The following PCDHGA5 variants were observed in gnomAD, a reference collection of about 807,000 sequenced individuals.
PCDHGA5 encodes protocadherin gamma subfamily A, 5, also known as protocadherin gamma-A5.
PCDHGA5 carries 36 observed loss-of-function variants against 56.7 expected under a neutral mutation model. The ratio of observed to expected loss-of-function variants is 0.64; its 90% CI spans 0.49 to 0.84. The LOEUF is 0.84. Among genes scored for constraint, PCDHGA5 ranks in the 40% least tolerant of loss-of-function variants. The pLI, the probability that PCDHGA5 is intolerant of heterozygous loss-of-function variation, is 0.00. For missense variants in PCDHGA5, 1,305 were observed against 1,201.5 expected, an observed-to-expected ratio of 1.09 and a Z score of -1.27; for synonymous variants, 563 against 520.2, an observed-to-expected ratio of 1.08 and a Z score of -1.12.
intron 1 of PCDHGA5, chr5:141,430,753 G>C (rs1175014357): frequency 6.6e-7 from 1 of 1,504,258 alleles, no homozygotes. Context: ...TCTGGAGGAA[G>C]ATAAGAATGA....
At chr5:141,418,974 G>A in intron 1 of PCDHGA5, 2 of 1,613,936 alleles carry the variant, frequency 1.2e-6, no homozygotes, top group Non-Finnish European at 1.7e-6. Context: ...TTCAAAACAC[G>A]GGACCAAGAC....
intron 1 of PCDHGA5, among the ~76,000 whole-genome samples, chr5:141,442,612 A>C (rs1180568407): frequency 6.6e-6 from 1 of 152,212 alleles, no homozygotes; most frequent in Non-Finnish European, 1.5e-5. Flanking sequence ...ATCTCAGTAA[A>C]AAGCATTTCT....
At chr5:141,408,455 C>A in intron 1 of PCDHGA5, 1 of 1,614,050 alleles carries the variant, frequency 6.2e-7, no homozygotes, top group South Asian at 1.1e-5. Flanking sequence ...CGGGGACTTA[C>A]TTGTGAAGAA....
At chr5:141,421,271 T>G in intron 1 of PCDHGA5, 1 of 1,612,330 alleles carries the variant, frequency 6.2e-7, no homozygotes, top group Non-Finnish European at 8.5e-7. Context: ...CGGCTGCTGC[T>G]GCTGCTGTGC....
intron 1 of PCDHGA5, chr5:141,399,892 G>T: frequency 1.2e-6 from 2 of 1,612,554 alleles, no homozygotes; most frequent in Non-Finnish European, 1.7e-6. Flanking sequence ...CAAGGTAGTG[G>T]CCGTGGACGC....
At chr5:141,409,063 C>A (rs988950366) in intron 1 of PCDHGA5, 2 of 1,613,860 alleles carry the variant, frequency 1.2e-6, no homozygotes, top group African/African-American at 2.7e-5. Flanking sequence ...CTGCCCAGAG[C>A]ACAAAACATA....
At chr5:141,483,640 G>T (rs1406049976) in intron 1 of PCDHGA5, among the ~76,000 whole-genome samples, 3 of 144,232 alleles carry the variant, frequency 2.1e-5, no homozygotes, top group Non-Finnish European at 4.5e-5. Flanking sequence ...GTATAGAGGG[G>T]TGTGTGTTTG....
At chr5:141,424,901 C>G (rs2096846997) in intron 1 of PCDHGA5, among the ~76,000 whole-genome samples, 1 of 152,134 alleles carries the variant, frequency 6.6e-6, no homozygotes, top group African/African-American at 2.4e-5. Context: ...TTTTTGATCA[C>G]AGGAATCATT....
Position 141,365,232 on chromosome 5 carries a change from T to C in PCDHGA5, c.902T>C (p.Ile301Thr), listed in dbSNP as rs762059066. 20 of 1,613,878 alleles carry C rather than the reference T, an allele frequency of 1.2e-5. No individual in the cohort carries two copies. The South Asian group carries it at 2.2e-4, about 18-fold the overall frequency. The change falls in exon 1 of 4, where the codon ATC becomes ACC. Residue 301 changes from isoleucine (I) to threonine (T), a missense_variant. Ile to Thr is a moderately conservative substitution (Grantham distance 89). Transcript: ENST00000518069. ...CAACTTGATTCCAACCTGGGGGAAA[T>C]CTCAACTCTACAATCACTGGACTAT... ...TFQLDSNLGE[I>T]STLQSLDYEE...
Position 141,485,200 on chromosome 5 carries a change from A to C in PCDHGA5, c.2422-9607A>C. 1 of 1,614,116 alleles carries C rather than the reference A, an allele frequency of 6.2e-7. No homozygotes were observed. The highest frequency in any genetic ancestry group is 2.2e-5 in the East Asian group (1 of 44,872). ...TGCTCCGCAAGGTGAGAAGCTGGAC[A>C]GAAATCTGGCGGTGGGCTACCCTTT... On this transcript the variant is annotated intron_variant, in intron 1 of 3. Coordinates refer to ENST00000518069, the MANE Select transcript of PCDHGA5 (RefSeq NM_018918.3). This position sits in a 1 kb window ranked among gnomAD's most constrained non-coding sequence, Gnocchi z 5.7.
At chr5:141,408,104 C>A (rs546603908) in intron 1 of PCDHGA5, 5 of 1,441,798 alleles carry the variant, frequency 3.5e-6, no homozygotes, top group Non-Finnish European at 2.7e-6. Flanking sequence ...CTCCGAGACC[C>A]GGGACTCCTC....
chr5:141,408,439 G>A (rs1057408625), intron 1 of PCDHGA5: 4 of 1,613,950 alleles, frequency 2.5e-6, no homozygotes, highest in Non-Finnish European at 3.4e-6. Flanking sequence ...GCGTAGACGC[G>A]GAGAGCGGGG....
At chr5:141,481,592 C>T (rs765060653) in intron 1 of PCDHGA5, among the ~76,000 whole-genome samples, 2 of 152,112 alleles carry the variant, frequency 1.3e-5, no homozygotes, top group East Asian at 1.9e-4. Context: ...CTGAGGCCAG[C>T]GGATCACCTG....
At chr5:141,417,872 T>G (rs2096175848) in intron 1 of PCDHGA5, 5 of 1,555,026 alleles carry the variant, frequency 3.2e-6, no homozygotes, top group African/African-American at 1.4e-5. Flanking sequence ...GGGAGGGAGC[T>G]GCGCGCAGAG....
At position 141,487,267 on chromosome 5, in the gene PCDHGA5, G is replaced by A; in HGVS notation, c.2422-7540G>A. 3 of 1,614,134 alleles carry A rather than the reference G, an allele frequency of 1.9e-6. No individual in the cohort carries two copies. The highest frequency in any genetic ancestry group is 2.5e-6 in the Non-Finnish European group (3 of 1,180,024). ...CCCTCTACTTGGCTGTGTCCCTAGT[G>A]GCAATTTGCTTTGTCTCCTTTGGCT... is the stretch of plus-strand genomic sequence containing the variant. On this transcript the variant is annotated intron_variant, in intron 1 of 3. Transcript: ENST00000518069. The surrounding 1 kb of genome is among the most constrained non-coding windows in gnomAD (Gnocchi z 5.0).
At chr5:141,384,541 C>T in intron 1 of PCDHGA5, 2 of 1,614,264 alleles carry the variant, frequency 1.2e-6, no homozygotes, top group Non-Finnish European at 1.7e-6. Context: ...CAACATGTCA[C>T]TGAGCCTGTT....
intron 1 of PCDHGA5, chr5:141,422,847 C>G (rs1271794821): frequency 7.4e-6 from 12 of 1,614,234 alleles, no homozygotes; most frequent in Non-Finnish European, 1.0e-5. Context: ...ACAGCGGGGA[C>G]CCGCCCCTCA....
In PCDHGA5 at chr5:141,431,710, G is replaced by A. The variant is rs1249423969; in HGVS notation, c.2422-63097G>A. On this transcript the variant is annotated intron_variant, in intron 1 of 3. Coordinates refer to ENST00000518069, the MANE Select transcript of PCDHGA5 (RefSeq NM_018918.3). The surrounding 1 kb of genome is among the most constrained non-coding windows in gnomAD (Gnocchi z 4.8). ...ACGAGGAGTCAGGATTCTACCAGAT[G>A]GAAGTGCAAGCAATGGATAATGCAG... is the stretch of plus-strand genomic sequence containing the variant. 3.1e-6 allele frequency: 5 copies of A among 1,614,116 alleles called. No individual in the cohort carries two copies. Among genetic ancestry groups the A allele is most frequent in the South Asian group, 1.1e-5 (1 of 91,088 alleles).
At chr5:141,374,728 GGATGGCGGCGACCCT>G (rs1422312768) in intron 1 of PCDHGA5, 1 of 1,610,428 alleles carries the variant, frequency 6.2e-7, no homozygotes, top group Admixed American at 1.7e-5. Context: ...TTACTGCCAT[GGATGGCGGCGACCCT>G]GTCCGCTCAA....
Sources: gnomAD v4.1 joint callset for allele counts (sites outside exome capture counted in the v4.1 genomes callset) on GRCh38, gnomAD v4.1.1 for gene constraint, Gnocchi (gnomAD v3.1) non-coding constraint, MANE v1.5 for transcripts, NCBI Gene and HGNC (gene_info 2026-07-23, HGNC 2026-07-21) for gene names.